RANBP10: variants seen among roughly 807,000 people sequenced by gnomAD.
RANBP10 encodes the protein ran-binding protein 10.
Under a neutral mutation model 72.8 loss-of-function variants are expected in RANBP10, and 24 were observed. The ratio of observed to expected loss-of-function variants is 0.33; its 90% confidence interval spans 0.24 to 0.46. The LOEUF is 0.46. Among genes scored for constraint, RANBP10 ranks in the 20% least tolerant of loss-of-function variants. RANBP10 has a pLI of 1.00. For synonymous variants in RANBP10, 310 were observed against 322.3 expected (o/e 0.96, Z 0.41); for missense variants, 679 against 817.5 (o/e 0.83, Z 2.07).
At chr16:67,800,744 T>C (rs550691946) in intron 2 of RANBP10, among the ~76,000 whole-genome samples, 1 of 152,232 alleles carries the variant, frequency 6.6e-6, no homozygotes, top group South Asian at 2.1e-4. Flanking sequence ...CAGCCCCTCC[T>C]ACTCCACAGA....
chr16:67,730,635 G>C lies in RANBP10; in HGVS notation c.890-589C>G, dbSNP rs553345188. Among the ~76,000 whole-genome samples, 29 of 152,260 alleles carry C rather than the reference G, an allele frequency of 1.9e-4. No individual in the cohort carries two copies. Among genetic ancestry groups the C allele is most frequent in the Admixed American group, 1.7e-3 (26 of 15,298 alleles). ...CTGCTGCCTTTTCGCTCTTGCCGTG[G>C]GGCCTGGTGCATCTCGCTGGGAGCA... On this transcript the variant is annotated intron_variant, in intron 7 of 13. Coordinates refer to ENST00000317506, the MANE Select transcript of RANBP10 (RefSeq NM_020850.3). This position sits in a 1 kb window ranked among gnomAD's most constrained non-coding sequence, Gnocchi z 4.3.
chr16:67,774,801 C>T (rs2054670523), intron 2 of RANBP10, among the ~76,000 whole-genome samples: 1 of 152,118 alleles, frequency 6.6e-6, no homozygotes, highest in Non-Finnish European at 1.5e-5. Context: ...TTTAAAGCTA[C>T]CAAAAGATGC....
chr16:67,737,864 C>A (rs2053885362), intron 5 of RANBP10, 149 bp downstream of exon 5: 1 of 1,058,864 alleles, frequency 9.4e-7, no homozygotes. Flanking sequence ...GCAAGTGCCC[C>A]TCCTGGTACC....
At chr16:67,758,808 G>A (rs1409471196) in intron 3 of RANBP10, among the ~76,000 whole-genome samples, 4 of 151,884 alleles carry the variant, frequency 2.6e-5, no homozygotes, top group Non-Finnish European at 4.4e-5. Context: ...ACGAAAACAG[G>A]ACAGTATAGA....
chr16:67,752,708 G>T (rs76118107), intron 3 of RANBP10, among the ~76,000 whole-genome samples: 9,154 of 152,090 alleles, frequency 0.06, 371 homozygotes, highest in Non-Finnish European at 0.093. Flanking sequence ...ACAGAATGTT[G>T]CATACCTCAT....
At chr16:67,771,025 G>A (rs2054597834) in intron 3 of RANBP10, among the ~76,000 whole-genome samples, 3 of 152,028 alleles carry the variant, frequency 2.0e-5, no homozygotes, top group Admixed American at 1.3e-4. Context: ...CACTTAGGGA[G>A]GCCAAGGCAG....
chr16:67,760,348 T>C (rs2054372079), intron 3 of RANBP10, among the ~76,000 whole-genome samples: 1 of 152,242 alleles, frequency 6.6e-6, no homozygotes, highest in African/African-American at 2.4e-5. Context: ...TGTTCTGCCC[T>C]GATCTCTGCT....
At chr16:67,747,599 G>GCTCAAGGGATTCTCCCACCTCAGA (rs1277557076) in intron 3 of RANBP10, among the ~76,000 whole-genome samples, 8 of 152,210 alleles carry the variant, frequency 5.3e-5, no homozygotes, top group African/African-American at 1.9e-4. Flanking sequence ...CACCTTCCAG[G>GCTCAAGGGATTCTCCCACCTCAGA]CTCAAGGGAT....
intron 5 of RANBP10, chr16:67,735,840 A>C (rs1437344380): frequency 6.6e-6 from 1 of 151,742 alleles, no homozygotes; most frequent in Non-Finnish European, 1.5e-5. Context: ...GAAAGGAGGG[A>C]GGAGGGGAAC....
intron 2 of RANBP10, among the ~76,000 whole-genome samples, chr16:67,779,458 G>A (rs183829251): frequency 9.3e-5 from 14 of 150,954 alleles, no homozygotes; most frequent in African/African-American, 3.2e-4. Context: ...TGCCAAGAAT[G>A]AGACAAAAAT....
At chr16:67,731,619 G>C (rs2053734821) in intron 6 of RANBP10, 35 bp from the exon 7 acceptor site, 1 of 1,518,060 alleles carries the variant, frequency 6.6e-7, no homozygotes, top group South Asian at 1.1e-5. Context: ...TGACACTCAA[G>C]AACTGCACTT....
At chr16:67,765,199 CAAAAAAAAAAAAAAAAAA>C (rs569942198) in intron 3 of RANBP10, among the ~76,000 whole-genome samples, 1 of 11,642 alleles carries the variant, frequency 8.6e-5, no homozygotes, top group Non-Finnish European at 2.2e-4. Flanking sequence ...GACTCCATCT[CAAAAAAAAAAAAAAAAAA>C]AAAAAAAAAA....
intron 2 of RANBP10, among the ~76,000 whole-genome samples, chr16:67,779,543 GA>G (rs1294334730): frequency 6.6e-6 from 1 of 152,094 alleles, no homozygotes; most frequent in Non-Finnish European, 1.5e-5. Flanking sequence ...TGCATCTATG[GA>G]ACAGGAAGAA....
At chr16:67,728,685 C>T (rs1390717242) in intron 10 of RANBP10, 174 bp from the exon 11 acceptor site, 1 of 1,213,558 alleles carries the variant, frequency 8.2e-7, no homozygotes, top group Non-Finnish European at 1.1e-6. Flanking sequence ...TACTGTGACA[C>T]CAGCTATCCT....
chr16:67,775,260 AAGATC>A (rs1366357546), intron 2 of RANBP10, among the ~76,000 whole-genome samples: 15 of 152,168 alleles, frequency 9.9e-5, no homozygotes, highest in Admixed American at 9.8e-4. Context: ...GCAGTGAGCC[AAGATC>A]AGGCCACTGC....
intron 2 of RANBP10, among the ~76,000 whole-genome samples, chr16:67,784,044 C>CAAA (rs747315565): frequency 9.9e-5 from 5 of 50,266 alleles, no homozygotes; most frequent in Admixed American, 1.7e-4. Context: ...GACTCCGTCT[C>CAAA]AAAAAAAAAA....
chr16:67,800,435 C>A (rs1048418207), intron 2 of RANBP10, among the ~76,000 whole-genome samples: 9 of 152,208 alleles, frequency 5.9e-5, no homozygotes, highest in African/African-American at 2.2e-4. Flanking sequence ...GAGGGTCACA[C>A]TGGAGCATCT....
chr16:67,758,651 G>A (rs2054335582), intron 3 of RANBP10, among the ~76,000 whole-genome samples: 1 of 152,206 alleles, frequency 6.6e-6, no homozygotes, highest in Non-Finnish European at 1.5e-5. Context: ...GAGAATCTCT[G>A]TTTTCAGACA....
At chr16:67,738,286 C>T (rs2053896721) in intron 4 of RANBP10, among the ~76,000 whole-genome samples, 1 of 151,808 alleles carries the variant, frequency 6.6e-6, no homozygotes, top group Non-Finnish European at 1.5e-5. Context: ...TACAGGTGCC[C>T]ACCACCACGC....
Sources: allele counts gnomAD v4.1 joint callset (sites outside exome capture counted in the v4.1 genomes callset), GRCh38; gene constraint gnomAD v4.1.1; non-coding constraint Gnocchi (gnomAD v3.1); transcripts MANE v1.5; gene names NCBI Gene and HGNC (gene_info 2026-07-23, HGNC 2026-07-21).